The following MYRF variants were observed in gnomAD, a reference collection of about 807,000 sequenced individuals.
MYRF encodes the protein myelin gene regulatory factor.
Under a neutral mutation model 126.3 loss-of-function variants are expected in MYRF, and 16 were observed. The observed-to-expected ratio is 0.13, with a 90% CI of 0.09 to 0.19. The LOEUF (loss-of-function observed/expected upper bound fraction) is 0.19, where lower values mean the gene tolerates loss of function less well. Ranked by LOEUF, MYRF falls within the 10% of genes least tolerant of loss-of-function variation. MYRF has a pLI of 1.00. For synonymous variants in MYRF, 608 were observed against 635.3 expected, an observed-to-expected ratio of 0.96 and a Z score of 0.65; for missense variants, 1,104 against 1,547.0, an observed-to-expected ratio of 0.71 and a Z score of 4.80.
In MYRF at chr11:61,771,567, A is replaced by G; in HGVS notation, c.808A>G (p.Met270Val). The G allele has an allele frequency of 6.2e-7, 1 of 1,613,926 alleles. No individual in the cohort carries two copies. Among genetic ancestry groups the G allele is most frequent in the Non-Finnish European group, 8.5e-7 (1 of 1,179,940 alleles). Reference protein sequence around the residue: ...ESPPSTLNAQMLNGMIKQEPG... With the variant: ...ESPPSTLNAQVLNGMIKQEPG... ...CCCCCCCAGCACCCTCAATGCCCAG[A>G]TGCTGAATGGAATGATCAAACAGGA... Residue 270 changes from methionine (M) to valine (V), a missense_variant, in exon 6 of 27, where the codon ATG becomes GTG. Met to Val is a conservative substitution (Grantham distance 21). Around this residue, in one of 10 missense-constraint regions of MYRF, gnomAD observed 368 missense variants for 403.9 expected, o/e 0.91. Coordinates refer to ENST00000278836, the MANE Select transcript of MYRF (RefSeq NM_001127392.3).
rs199509876 is a variant in MYRF at position 61,774,108 on chromosome 11, G to T, written c.1257G>T (p.Thr419=). The change falls in exon 8 of 27, where the codon ACG becomes ACT. Residue 419 remains threonine, a synonymous_variant. Coordinates refer to ENST00000278836, the MANE Select transcript of MYRF (RefSeq NM_001127392.3). The part of the protein sequence containing the change: ...GMLGEPKYVK[T]PEGLKPLDCF... ...TGGGCGAGCCCAAGTACGTCAAGAC[G>T]CCCGAGGGCCTCAAGCCCCTCGACT... The T allele has an allele frequency of 2.5e-6, 4 of 1,613,666 alleles. No individual in the cohort carries two copies. The highest frequency in any genetic ancestry group is 3.4e-6 in the Non-Finnish European group (4 of 1,179,868).
chr11:61,784,151 G>C (rs1424446179), intron 24 of MYRF, 129 bp from the exon 25 acceptor site: 6 of 1,018,372 alleles, frequency 5.9e-6, no homozygotes, highest in Non-Finnish European at 8.7e-6. Context: ...TTTTGTTCGA[G>C]GGCCCTGGTT....
At position 61,781,661 on chromosome 11, in the gene MYRF, T is replaced by C. The variant is rs1396820216; in HGVS notation, c.2853T>C (p.His951=). The C allele has an allele frequency of 6.2e-7, 1 of 1,613,756 alleles. No individual in the cohort carries two copies. Reference sequence around the variant, plus strand: ...TCAATGGCATTGGCCACTCCAAGCATCACAAGAGTCTGGAGCCTCTGGCCA... The same window carrying C: ...TCAATGGCATTGGCCACTCCAAGCACCACAAGAGTCTGGAGCCTCTGGCCA... ...LSVNGIGHSK[H]HKSLEPLASP... The change falls in exon 22 of 27, where the codon CAT becomes CAC. Residue 951 remains histidine (H), a synonymous_variant. Coordinates refer to ENST00000278836, the MANE Select transcript of MYRF (RefSeq NM_001127392.3).
At chr11:61,785,535 A>G in intron 25 of MYRF, 2 of 536,468 alleles carry the variant, frequency 3.7e-6, no homozygotes, top group Non-Finnish European at 3.4e-6. Context: ...GGGTGAGGGA[A>G]CCCAGCACAA....
In MYRF at chr11:61,774,159, G is replaced by T; in HGVS notation, c.1308G>T (p.Val436=). 6.3e-7 allele frequency: 1 copy of T among 1,598,572 alleles called. No homozygotes were observed. Residue 436 remains valine (V), a synonymous_variant, in exon 8 of 27, where the codon GTG becomes GTT. Transcript: ENST00000278836. ...GCTTCTATCTGAAGCTGCACGGAGT[G>T]AAGGCAAGTTTGGGGCTCAGCAAGG... The part of the protein sequence containing the change: ...LDCFYLKLHG[V]KLEALNQSIN...
rs1350520150 is a variant in MYRF, at chr11:61,778,351, C to T, written c.1904-29C>T. The T allele has an allele frequency of 2.7e-6, 4 of 1,467,616 alleles. No homozygotes were observed. The highest frequency in any genetic ancestry group is 2.3e-5 in the South Asian group (2 of 88,220). 90.9% of individuals were successfully genotyped at this position (1,467,616 alleles called of 1,614,324 possible). ...TGAGTAGCCCTTTACCACCCCCCCACCCATCTTTGGCTTGTCCCCTGCCCC... is the reference window on the plus strand; with the variant it reads ...TGAGTAGCCCTTTACCACCCCCCCATCCATCTTTGGCTTGTCCCCTGCCCC... On this transcript the variant is annotated intron_variant, in intron 13 of 26. Transcript: ENST00000278836. The surrounding 1 kb of genome is among the most constrained non-coding windows in gnomAD (Gnocchi z 4.6).
Position 61,780,232 on chromosome 11 carries a change from A to G in MYRF, c.2347A>G (p.Met783Val). 1.9e-6 allele frequency: 3 copies of G among 1,614,080 alleles called. No individual in the cohort carries two copies. The highest frequency in any genetic ancestry group is 1.1e-5 in the South Asian group (1 of 91,062). Reference protein sequence around the residue: ...VVVMAFSVVSMSTLYVLSLRT... With the variant: ...VVVMAFSVVSVSTLYVLSLRT... ...TTTCTGTGGCTCCAGCGTGGTGTCC[A>G]TGTCCACACTGTACGTGCTGAGCCT... is the stretch of plus-strand genomic sequence containing the variant. Residue 783 changes from methionine to valine, a missense_variant, in exon 18 of 27, where the codon ATG becomes GTG. Around this residue, in one of 10 missense-constraint regions of MYRF, gnomAD observed 323 missense variants for 383.1 expected, o/e 0.84. Transcript: ENST00000278836.
In MYRF at chr11:61,777,480, T is replaced by TTG; in HGVS notation, c.1791+16_1791+17insTG. On this transcript the variant is annotated intron_variant, in intron 12 of 26. Transcript: ENST00000278836. This position sits in a 1 kb window ranked among gnomAD's most constrained non-coding sequence, Gnocchi z 8.8. ...CGTGCAGGAGGTGGGGACAGGGCTG[T>TTG]GGGGGCCGGGCGGGTCCAGACGCTG... The TTG allele has an allele frequency of 1.5e-6, 2 of 1,333,970 alleles. No homozygotes were observed. Among genetic ancestry groups the TTG allele is most frequent in the Non-Finnish European group, 2.0e-6 (2 of 1,022,852 alleles). 82.6% of individuals were successfully genotyped at this position (1,333,970 alleles called of 1,614,324 possible). A position where few individuals can be genotyped will look rare whatever the true frequency, so the allele number is the denominator to read the frequency against.
chr11:61,774,719 C>T (rs372713130), intron 8 of MYRF, among the ~76,000 whole-genome samples: 15 of 151,076 alleles, frequency 9.9e-5, no homozygotes, highest in Admixed American at 7.3e-4. Flanking sequence ...GCCTCCCTTT[C>T]GCCCTGTGCC....
chr11:61,778,870 G>A lies in MYRF; in HGVS notation c.2013+381G>A, dbSNP rs1039307893. 10 of 549,106 alleles carry A rather than the reference G, an allele frequency of 1.8e-5. No individual in the cohort carries two copies. Among genetic ancestry groups the A allele is most frequent in the East Asian group, 1.4e-4 (3 of 22,206 alleles). 34.0% of individuals were successfully genotyped at this position (549,106 alleles called of 1,614,324 possible). On this transcript the variant is annotated intron_variant, in intron 14 of 26. Transcript: ENST00000278836. The surrounding 1 kb of genome is among the most constrained non-coding windows in gnomAD (Gnocchi z 4.6). ...TCACTTACCTGTCCTGAGTCTGGGC[G>A]CCAAGGAGGCATGTAATAGGTCTCC...
chr11:61,765,940 C>T lies in MYRF; in HGVS notation c.135-18C>T, dbSNP rs760074083. The T allele has an allele frequency of 3.0e-5, 44 of 1,484,180 alleles. No individual in the cohort carries two copies. The highest frequency in any genetic ancestry group is 4.8e-5 in the East Asian group (2 of 41,758). 91.9% of individuals were successfully genotyped at this position (1,484,180 alleles called of 1,614,324 possible). A position where few individuals can be genotyped will look rare whatever the true frequency, so the allele number is the denominator to read the frequency against. On this transcript the variant is annotated intron_variant, in intron 2 of 26. Coordinates refer to ENST00000278836, the MANE Select transcript of MYRF (RefSeq NM_001127392.3). ...GCTGGGGTCCTGGCTGGAGCTGAGC[C>T]GCCCCCCTTCCCCGCAGCTGCTTCC...
In MYRF at chr11:61,786,965, C is replaced by T. The variant is rs1260130428; in HGVS notation, c.*822C>T. 4 of 152,704 alleles carry T rather than the reference C, an allele frequency of 2.6e-5. No homozygotes were observed. The highest frequency in any genetic ancestry group is 9.7e-5 in the African/African-American group (4 of 41,440). 9.5% of individuals were successfully genotyped at this position (152,704 alleles called of 1,614,324 possible). ...CAGGAAGAGGAAATTCCCTTTGAGC[C>T]CCCAGATGGTATTGCAGCTTCACTG... is the stretch of plus-strand genomic sequence containing the variant. On this transcript the variant is annotated 3_prime_UTR_variant, in exon 27 of 27. Coordinates refer to ENST00000278836, the MANE Select transcript of MYRF (RefSeq NM_001127392.3). This position sits in a 1 kb window ranked among gnomAD's most constrained non-coding sequence, Gnocchi z 4.5.
intron 1 of MYRF, among the ~76,000 whole-genome samples, chr11:61,760,758 CT>C (rs1284704088): frequency 1.3e-5 from 2 of 152,184 alleles, no homozygotes; most frequent in Non-Finnish European, 2.9e-5. Context: ...CGTGCTCCAT[CT>C]GATGGAGAAG....
At position 61,781,575 on chromosome 11, in the gene MYRF, C is replaced by G. The variant is rs779342364; in HGVS notation, c.2767C>G (p.Pro923Ala). 1 of 1,613,220 alleles carries G rather than the reference C, an allele frequency of 6.2e-7. No individual in the cohort carries two copies. Among genetic ancestry groups the G allele is most frequent in the Non-Finnish European group, 8.5e-7 (1 of 1,179,728 alleles). Residue 923 changes from proline (P) to alanine (A), a missense_variant and splice_region_variant, in exon 22 of 27, where the codon CCC becomes GCC. By Grantham distance (27) the Pro-to-Ala change is conservative (BLOSUM62 -1). Around this residue, in one of 10 missense-constraint regions of MYRF, gnomAD observed 323 missense variants for 383.1 expected, o/e 0.84. Transcript: ENST00000278836. Reference sequence around the variant, plus strand: ...CCTGTGCCTGGTTCTATCCACAGGCCCCAGCCAGATGGCCCTTCTGCCAGT... The same window carrying G: ...CCTGTGCCTGGTTCTATCCACAGGCGCCAGCCAGATGGCCCTTCTGCCAGT... Reference protein sequence around the residue: ...SPSPSTNRSGPSQMALLPVTN... With the variant: ...SPSPSTNRSGASQMALLPVTN...
chr11:61,755,420 C>T (rs2065723361), intron 1 of MYRF: 1 of 1,610,106 alleles, frequency 6.2e-7, no homozygotes, highest in South Asian at 1.1e-5. Context: ...ACCCACCGGG[C>T]AGGATGCACT....
At chr11:61,772,159 A>AGGGAG (rs2066241941) in intron 7 of MYRF, among the ~76,000 whole-genome samples, 1 of 152,182 alleles carries the variant, frequency 6.6e-6, no homozygotes. Flanking sequence ...GATGACTGCC[A>AGGGAG]GGGAGGGGCA....
chr11:61,773,752 A>G (rs1277521250), intron 7 of MYRF, among the ~76,000 whole-genome samples: 1 of 152,164 alleles, frequency 6.6e-6, no homozygotes, highest in African/African-American at 2.4e-5. Context: ...CATGGGGTAT[A>G]GGAGAGAATG....
At chr11:61,761,910 G>A (rs1400307663) in intron 1 of MYRF, among the ~76,000 whole-genome samples, 2 of 152,274 alleles carry the variant, frequency 1.3e-5, no homozygotes, top group Non-Finnish European at 2.9e-5. Context: ...CTGGGCGAGT[G>A]AGCTGTGGGT....
At chr11:61,775,880 G>T (rs568024421) in intron 8 of MYRF, among the ~76,000 whole-genome samples, 176 bp from the exon 9 acceptor site, 3 of 151,996 alleles carry the variant, frequency 2.0e-5, no homozygotes, top group East Asian at 1.9e-4. Flanking sequence ...AGTAGGGTGT[G>T]GGGGGGTGTG....
Sources: allele counts gnomAD v4.1 joint callset (sites outside exome capture counted in the v4.1 genomes callset), GRCh38; gene constraint gnomAD v4.1.1; regional missense constraint gnomAD v4.1.1; non-coding constraint Gnocchi (gnomAD v3.1); transcripts MANE v1.5; gene names NCBI Gene and HGNC (gene_info 2026-07-23, HGNC 2026-07-21).